The following THSD7B variants were observed in gnomAD, a reference collection of about 807,000 sequenced individuals.
The protein encoded by THSD7B is thrombospondin type-1 domain-containing protein 7B.
Under a neutral mutation model 213.6 loss-of-function variants are expected in THSD7B, and 138 were observed. That is an observed-to-expected ratio of 0.65 (90% CI 0.56 to 0.74). The LOEUF (loss-of-function observed/expected upper bound fraction) is 0.74. Ranked by LOEUF, THSD7B falls within the 30% of genes least tolerant of loss-of-function variation. The pLI, the probability that THSD7B is intolerant of heterozygous loss-of-function variation, is 0.00. For synonymous variants in THSD7B, 742 were observed against 687.0 expected (o/e 1.08, Z -1.25); for missense variants, 1,931 against 1,991.5 (o/e 0.97, Z 0.58).
At chr2:137,623,367 A>G (rs1394247812) in intron 20 of THSD7B, among the ~76,000 whole-genome samples, 4 of 152,222 alleles carry the variant, frequency 2.6e-5, no homozygotes, top group Admixed American at 1.3e-4. Flanking sequence ...GTCACAGCCA[A>G]TATCATACTG....
chr2:137,230,238 T>C (rs1219804449), intron 7 of THSD7B, among the ~76,000 whole-genome samples: 1 of 152,232 alleles, frequency 6.6e-6, no homozygotes, highest in Admixed American at 6.5e-5. Flanking sequence ...AGTCCTAACA[T>C]CTGTTAATTA....
chr2:136,906,950 T>G (rs1419009965), intron 2 of THSD7B, among the ~76,000 whole-genome samples: 2 of 128,704 alleles, frequency 1.6e-5, no homozygotes, highest in African/African-American at 5.9e-5. Context: ...TTTTTTTTTT[T>G]TTTTTTTTTT....
chr2:136,779,091 T>C (rs1264889605), intron 1 of THSD7B, among the ~76,000 whole-genome samples: 3 of 152,158 alleles, frequency 2.0e-5, no homozygotes. Context: ...TATTAGAGTT[T>C]TATTTTTATG....
chr2:137,429,661 G>A (rs1687132372), intron 14 of THSD7B, among the ~76,000 whole-genome samples: 1 of 152,172 alleles, frequency 6.6e-6, no homozygotes, highest in Admixed American at 6.5e-5. Flanking sequence ...TTTATAAACA[G>A]CGTCTCAGAA....
chr2:136,990,997 C>T lies in THSD7B; in HGVS notation c.140-65423C>T, dbSNP rs577254369. 18 of 1,248,406 alleles carry T rather than the reference C, an allele frequency of 1.4e-5. No individual in the cohort carries two copies. In the South Asian group the frequency reaches 1.5e-4, roughly 10 times the overall value. The allele number at this position is 1,248,406 out of a possible 1,614,324, so 77.3% of individuals were successfully genotyped here. On this transcript the variant is annotated intron_variant, in intron 2 of 27. Transcript: ENST00000409968. ...AAAACTATCACATCGTCTCTGCTGG[C>T]ACAGGTGAATACCTGTCCTCCCCAA...
chr2:137,278,332 A>G (rs1329743731), intron 12 of THSD7B, among the ~76,000 whole-genome samples: 1 of 152,150 alleles, frequency 6.6e-6, no homozygotes, highest in African/African-American at 2.4e-5. Context: ...GAGTTTTTGA[A>G]TAAGATTGTA....
At chr2:137,319,419 A>T (rs1684214383) in intron 12 of THSD7B, among the ~76,000 whole-genome samples, 1 of 152,162 alleles carries the variant, frequency 6.6e-6, no homozygotes, top group African/African-American at 2.4e-5. Context: ...ATTACTATCT[A>T]CAGAGCAATG....
At chr2:137,532,859 A>G (rs1378925579) in intron 15 of THSD7B, among the ~76,000 whole-genome samples, 2 of 151,624 alleles carry the variant, frequency 1.3e-5, no homozygotes, top group Admixed American at 6.6e-5. Flanking sequence ...GGATAAGTAT[A>G]TATATTTTAT....
chr2:137,441,608 T>C (rs1224403673), intron 14 of THSD7B, among the ~76,000 whole-genome samples: 1 of 152,026 alleles, frequency 6.6e-6, no homozygotes, highest in East Asian at 1.9e-4. Flanking sequence ...AAGGAAGAAA[T>C]TGGAAACCTG....
rs111594442 is a variant in THSD7B at position 137,392,624 on chromosome 2, C to G, written c.2501-12989C>G. On this transcript the variant is annotated intron_variant, in intron 12 of 27. Transcript: ENST00000409968. Reference sequence around the variant, plus strand: ...CTTTTTCCATCTCTTTTCTTTCTGTCCATATGTGTCTTTAGAGAGAAAGTT... The same window carrying G: ...CTTTTTCCATCTCTTTTCTTTCTGTGCATATGTGTCTTTAGAGAGAAAGTT... 3.0e-3 allele frequency among the ~76,000 whole-genome samples: 462 copies of G among 152,114 alleles called. 1 individual carries two copies. Among genetic ancestry groups the G allele is most frequent in the African/African-American group, 0.01 (423 of 41,518 alleles).
intron 27 of THSD7B, among the ~76,000 whole-genome samples, chr2:137,675,997 A>AGTT (rs1339559233): frequency 6.6e-6 from 1 of 152,158 alleles, no homozygotes; most frequent in African/African-American, 2.4e-5. Context: ...GACCTGGCAA[A>AGTT]GTTGTGGACT....
intron 1 of THSD7B, among the ~76,000 whole-genome samples, chr2:136,825,698 C>T (rs1682634368): frequency 7.9e-6 from 1 of 126,136 alleles, no homozygotes; most frequent in Non-Finnish European, 1.7e-5. Flanking sequence ...ACTACAGGTG[C>T]TCACTGCCAT....
At chr2:137,308,804 T>C (rs973834769) in intron 12 of THSD7B, among the ~76,000 whole-genome samples, 1 of 152,152 alleles carries the variant, frequency 6.6e-6, no homozygotes, top group African/African-American at 2.4e-5. Flanking sequence ...TCTATATGTA[T>C]ATGTACTGAC....
chr2:136,947,047 A>C (rs1443511695), intron 2 of THSD7B, among the ~76,000 whole-genome samples: 1 of 152,144 alleles, frequency 6.6e-6, no homozygotes, highest in Non-Finnish European at 1.5e-5. Context: ...GAAATGCAGA[A>C]ATCACCCATC....
intron 2 of THSD7B, among the ~76,000 whole-genome samples, chr2:137,020,936 T>C (rs1372068638): frequency 6.6e-6 from 1 of 152,150 alleles, no homozygotes. Context: ...AGGAAGTGTA[T>C]GTCTTATCCA....
chr2:137,317,696 C>A (rs1352665635), intron 12 of THSD7B, among the ~76,000 whole-genome samples: 2 of 152,096 alleles, frequency 1.3e-5, no homozygotes, highest in African/African-American at 4.8e-5. Context: ...GGGAGGATCT[C>A]TTGAGGTCAG....
intron 2 of THSD7B, among the ~76,000 whole-genome samples, chr2:136,941,817 G>A (rs1383213351): frequency 1.3e-5 from 2 of 152,126 alleles, no homozygotes; most frequent in Admixed American, 1.3e-4. Context: ...TCTGATGGTA[G>A]TTTCTTTTGC....
At chr2:137,228,179 A>G (rs1681555078) in intron 7 of THSD7B, among the ~76,000 whole-genome samples, 1 of 151,430 alleles carries the variant, frequency 6.6e-6, no homozygotes, top group Non-Finnish European at 1.5e-5. Context: ...TTTTAAAATA[A>G]CTCCCACAGG....
intron 21 of THSD7B, among the ~76,000 whole-genome samples, chr2:137,647,891 T>C (rs1683066413): frequency 6.6e-6 from 1 of 152,112 alleles, no homozygotes. Flanking sequence ...ATATTTTACC[T>C]CTACTCTAGT....
Sources: allele counts gnomAD v4.1 joint callset (sites outside exome capture counted in the v4.1 genomes callset), GRCh38; gene constraint gnomAD v4.1.1; transcripts MANE v1.5; gene names NCBI Gene and HGNC (gene_info 2026-07-23, HGNC 2026-07-21).